The following RIPK2 variants were observed in gnomAD, a reference collection of about 807,000 sequenced individuals.
RIPK2 encodes receptor-interacting serine/threonine-protein kinase 2.
Under a neutral mutation model 60.9 loss-of-function variants are expected in RIPK2, and 38 were observed. The observed-to-expected ratio is 0.62, with a 90% CI of 0.48 to 0.82. The LOEUF (loss-of-function observed/expected upper bound fraction) is 0.82, where lower values mean the gene tolerates loss of function less well. Among genes scored for constraint, RIPK2 ranks in the 40% least tolerant of loss-of-function variants. The pLI, the probability that RIPK2 is intolerant of heterozygous loss-of-function variation, is 0.00. For synonymous variants in RIPK2, 225 were observed against 223.4 expected (o/e 1.01, Z -0.06); for missense variants, 518 against 647.0 (o/e 0.80, Z 2.16).
intron 4 of RIPK2, among the ~76,000 whole-genome samples, chr8:89,770,955 T>C (rs1181454559): frequency 6.6e-6 from 1 of 151,806 alleles, no homozygotes; most frequent in Non-Finnish European, 1.5e-5. Context: ...GGAGGAGAAA[T>C]GTATTTATAG....
chr8:89,762,688 G>A, intron 1 of RIPK2, 141 bp from the exon 2 acceptor site: 1 of 433,260 alleles, frequency 2.3e-6, no homozygotes, highest in Non-Finnish European at 4.0e-6. Flanking sequence ...TAAATATGAT[G>A]AAACTAAGGT....
chr8:89,777,318 C>T (rs985221193), intron 6 of RIPK2, among the ~76,000 whole-genome samples: 1 of 152,064 alleles, frequency 6.6e-6, no homozygotes, highest in Non-Finnish European at 1.5e-5. Context: ...GAAGAAATTA[C>T]GATTTGGAAA....
intron 4 of RIPK2, 147 bp downstream of exon 4, chr8:89,770,076 A>G (rs942550145): frequency 1.7e-6 from 1 of 579,480 alleles, no homozygotes; most frequent in Non-Finnish European, 2.8e-6. Context: ...CACGGTGATT[A>G]ATATTTTTCA....
rs201155764 is a variant in RIPK2, at chr8:89,789,468, C to G, written c.1271C>G (p.Thr424Ser). 1.2e-6 allele frequency: 2 copies of G among 1,613,314 alleles called. No individual in the cohort carries two copies. The highest frequency in any genetic ancestry group is 2.7e-5 in the African/African-American group (2 of 74,894). The part of the protein sequence containing the change: ...CSSAIINPLS[T>S]AGNSERLQPG... ...TCAGCAATAATAAATCCACTCTCAA[C>G]TGCAGGAAACTCAGGTAAATATTTA... is the stretch of plus-strand genomic sequence containing the variant. Residue 424 changes from threonine to serine, a missense_variant, in exon 10 of 11, where the codon ACT (threonine) becomes AGT (serine). Transcript: ENST00000220751.
chr8:89,767,166 T>G (rs1307799657), intron 3 of RIPK2, among the ~76,000 whole-genome samples: 1 of 151,782 alleles, frequency 6.6e-6, no homozygotes, highest in East Asian at 1.9e-4. Flanking sequence ...TGAATTCATT[T>G]TTTAATAAGA....
At chr8:89,774,111 A>G (rs182746449) in intron 6 of RIPK2, among the ~76,000 whole-genome samples, 1 of 152,116 alleles carries the variant, frequency 6.6e-6, no homozygotes. Context: ...AGGAAAAAAA[A>G]AAGCAGAGCC....
rs40377 is a variant in RIPK2, at chr8:89,769,725, C to G, written c.484-47C>G. 115 of 1,414,406 alleles carry G rather than the reference C, an allele frequency of 8.1e-5. 3 individuals carry two copies. The South Asian group carries it at 1.7e-3, about 21-fold the overall frequency. 87.6% of individuals were successfully genotyped at this position (1,414,406 alleles called of 1,614,324 possible). ...TACAAAAAGATAGTTGACTTTTGGA[C>G]TTTTTAAAGAGGAAATTTCTTAATT... is the stretch of plus-strand genomic sequence containing the variant. On this transcript the variant is annotated intron_variant, in intron 3 of 10. Coordinates refer to ENST00000220751, the MANE Select transcript of RIPK2 (RefSeq NM_003821.6).
Position 89,784,048 on chromosome 8 carries a change from A to G in RIPK2, c.940-2A>G. The G allele has an allele frequency of 1.3e-6, 2 of 1,497,826 alleles. No homozygotes were observed. The highest frequency in any genetic ancestry group is 1.8e-6 in the Non-Finnish European group (2 of 1,090,378). 92.8% of individuals were successfully genotyped at this position (1,497,826 alleles called of 1,614,324 possible). A position where few individuals can be genotyped will look rare whatever the true frequency, so the allele number is the denominator to read the frequency against. ...GTATATATATTTATGTATTCATTAC[A>G]GTTACAGAGTGTTTCAAGTGCCATT... On this transcript the variant is annotated splice_acceptor_variant, in intron 7 of 10. Coordinates refer to ENST00000220751, the MANE Select transcript of RIPK2 (RefSeq NM_003821.6). LOFTEE classifies it high-confidence loss of function.
At chr8:89,789,781 G>A (rs1449515907) in intron 10 of RIPK2, among the ~76,000 whole-genome samples, 1 of 151,986 alleles carries the variant, frequency 6.6e-6, no homozygotes, top group Non-Finnish European at 1.5e-5. Context: ...AAATAAAATG[G>A]ACATCAAACA....
intron 6 of RIPK2, among the ~76,000 whole-genome samples, chr8:89,778,519 T>C (rs1481448663): frequency 6.6e-6 from 1 of 152,214 alleles, no homozygotes; most frequent in Non-Finnish European, 1.5e-5. Flanking sequence ...TCTGTCTTTC[T>C]AGATTTGCCT....
Position 89,772,817 on chromosome 8 carries a change from C to A in RIPK2, c.842C>A (p.Pro281Gln). 1.9e-6 allele frequency: 3 copies of A among 1,603,262 alleles called. No homozygotes were observed. The highest frequency in any genetic ancestry group is 1.7e-6 in the Non-Finnish European group (2 of 1,174,400). ...SGWAQNPDER[P>Q]SFLKCLIELE... is the part of the protein sequence containing the mutation. ...TGGGCACAAAATCCAGATGAAAGAC[C>A]ATCTTTCTTAAGTGAGTATATAGTT... The change falls in exon 6 of 11, where the codon CCA becomes CAA. Residue 281 changes from proline to glutamine, a missense_variant. By Grantham distance (76) the Pro-to-Gln change is moderately conservative (BLOSUM62 -1). Around this residue, in one of 3 missense-constraint regions of RIPK2, gnomAD observed 448 missense variants for 534.7 expected, o/e 0.84. Coordinates refer to ENST00000220751, the MANE Select transcript of RIPK2 (RefSeq NM_003821.6).
chr8:89,765,256 C>T (rs1363902410), intron 2 of RIPK2, 85 bp from the exon 3 acceptor site: 2 of 933,024 alleles, frequency 2.1e-6, no homozygotes, highest in African/African-American at 1.7e-5. Flanking sequence ...ACTGTATTTC[C>T]TCATGGAATA....
At chr8:89,785,433 G>A (rs1158756540) in intron 8 of RIPK2, among the ~76,000 whole-genome samples, 6 of 150,892 alleles carry the variant, frequency 4.0e-5, no homozygotes, top group Non-Finnish European at 5.9e-5. Flanking sequence ...CACCCTGGGC[G>A]ACTCCACCTC....
At chr8:89,777,079 C>T (rs371156800) in intron 6 of RIPK2, among the ~76,000 whole-genome samples, 12 of 152,246 alleles carry the variant, frequency 7.9e-5, no homozygotes, top group African/African-American at 2.9e-4. Flanking sequence ...TAGACCAAGG[C>T]AGACAGACTT....
chr8:89,765,283 T>G (rs1387218053), intron 2 of RIPK2, 58 bp from the exon 3 acceptor site: 17 of 1,253,390 alleles, frequency 1.4e-5, no homozygotes. Flanking sequence ...TTTCTAAGTG[T>G]GAAACATAGT....
In RIPK2 at chr8:89,790,142, A is replaced by G. The variant is rs1563620820; in HGVS notation, c.1349A>G (p.Gln450Arg). The change falls in exon 11 of 11, where the codon CAA becomes CGA. Residue 450 changes from glutamine to arginine, a missense_variant. Around this residue, in one of 3 missense-constraint regions of RIPK2, gnomAD observed 29 missense variants for 68.6 expected, o/e 0.42. Transcript: ENST00000220751. ...IQSKREDIVN[Q>R]MTEACLNQSL... ...AGCAAAAGGGAAGACATTGTGAACC[A>G]AATGACAGAAGCCTGCCTTAACCAG... is the stretch of plus-strand genomic sequence containing the variant. 6.2e-7 allele frequency: 1 copy of G among 1,614,186 alleles called. No homozygotes were observed. The highest frequency in any genetic ancestry group is 8.5e-7 in the Non-Finnish European group (1 of 1,180,012).
chr8:89,790,695 G>A lies in RIPK2; in HGVS notation c.*279G>A, dbSNP rs1809663535. On this transcript the variant is annotated 3_prime_UTR_variant, in exon 11 of 11. Coordinates refer to ENST00000220751, the MANE Select transcript of RIPK2 (RefSeq NM_003821.6). Reference sequence around the variant, plus strand: ...TGTTTATAACAGTGCCTTAAGGTATGATGTATTTCTGATGGAAGCCATTTT... The same window carrying A: ...TGTTTATAACAGTGCCTTAAGGTATAATGTATTTCTGATGGAAGCCATTTT... 3.8e-6 allele frequency: 1 copy of A among 261,086 alleles called. No homozygotes were observed. The highest frequency in any genetic ancestry group is 2.2e-5 in the African/African-American group (1 of 44,514). 16.2% of individuals were successfully genotyped at this position (261,086 alleles called of 1,614,324 possible). A position where few individuals can be genotyped will look rare whatever the true frequency, so the allele number is the denominator to read the frequency against.
At chr8:89,768,634 C>G (rs1809266213) in intron 3 of RIPK2, among the ~76,000 whole-genome samples, 1 of 151,712 alleles carries the variant, frequency 6.6e-6, no homozygotes, top group Admixed American at 6.6e-5. Flanking sequence ...CAGCTGTTCT[C>G]ATGACTTAGT....
intron 8 of RIPK2, among the ~76,000 whole-genome samples, chr8:89,784,634 T>C (rs1809555938): frequency 6.6e-6 from 1 of 152,222 alleles, no homozygotes; most frequent in South Asian, 2.1e-4. Context: ...GTAACATAGA[T>C]TGAGCATCCC....
Sources: gnomAD v4.1 joint callset for allele counts (sites outside exome capture counted in the v4.1 genomes callset) on GRCh38, gnomAD v4.1.1 for gene constraint, gnomAD v4.1.1 regional missense constraint, MANE v1.5 for transcripts, NCBI Gene and HGNC (gene_info 2026-07-23, HGNC 2026-07-21) for gene names.